GC: variants seen among roughly 807,000 people sequenced by gnomAD.
GC encodes vitamin D-binding protein.
A neutral mutation model predicts 56.7 loss-of-function variants in GC; 43 were observed. The observed-to-expected ratio is 0.76, with a 90% CI of 0.59 to 0.98. GC has a LOEUF of 0.98. Among genes scored for constraint, GC ranks in the 50% least tolerant of loss-of-function variants. GC has a pLI of 0.00. For synonymous variants in GC, 216 were observed against 202.7 expected, an observed-to-expected ratio of 1.07 and a Z score of -0.56; for missense variants, 529 against 545.9, an observed-to-expected ratio of 0.97 and a Z score of 0.31.
At chr4:71,803,537 A>C (rs1743297900) in intron 1 of GC, among the ~76,000 whole-genome samples, 1 of 152,106 alleles carries the variant, frequency 6.6e-6, no homozygotes, top group Non-Finnish European at 1.5e-5. Context: ...AAATGAATCC[A>C]ATTAAATATA....
At chr4:71,797,266 T>G (rs1250324740) in intron 1 of GC, among the ~76,000 whole-genome samples, 1 of 152,226 alleles carries the variant, frequency 6.6e-6, no homozygotes, top group Non-Finnish European at 1.5e-5. Flanking sequence ...TCTGCTGCCT[T>G]TTGTTCAGCT....
upstream of GC, among the ~76,000 whole-genome samples, chr4:71,786,972 T>C (rs1171617516): frequency 6.6e-6 from 1 of 151,882 alleles, no homozygotes; most frequent in African/African-American, 2.4e-5. Flanking sequence ...TTAAAGTTGA[T>C]GTACAGAGAA....
At chr4:71,793,091 G>C (rs1743011282) in intron 1 of GC, among the ~76,000 whole-genome samples, 5 of 152,160 alleles carry the variant, frequency 3.3e-5, no homozygotes, top group Admixed American at 2.6e-4. Flanking sequence ...AAGTCAGGTA[G>C]CATGATTCTT....
intron 12 of GC, among the ~76,000 whole-genome samples, chr4:71,743,159 G>A (rs1741243921): frequency 6.6e-6 from 1 of 152,178 alleles, no homozygotes; most frequent in African/African-American, 2.4e-5. Context: ...GCGTGAAACT[G>A]TTGACTGGAA....
At position 71,763,804 on chromosome 4, in the gene GC, C is replaced by G; in HGVS notation, c.606G>C (p.Glu202Asp). 6.2e-7 allele frequency: 1 copy of G among 1,610,028 alleles called. No individual in the cohort carries two copies. Among genetic ancestry groups the G allele is most frequent in the Admixed American group, 1.7e-5 (1 of 59,474 alleles). The stretch of plus-strand genomic sequence containing the variant: ...ATATAATAAGTAAAATGGGACATAC[C>G]TCTTTCAAAAAGCATACAGTTGGGC... The part of the protein sequence containing the change: ...SASPTVCFLK[E>D]RLQLKHLSLL... Residue 202 changes from glutamate (E) to aspartate (D), a missense_variant and splice_region_variant, in exon 5 of 13, where the codon GAG becomes GAC. Physicochemically the swap from Glu to Asp is conservative, Grantham distance 45. Coordinates refer to ENST00000273951, the MANE Select transcript of GC (RefSeq NM_000583.4).
chr4:71,770,023 A>G (rs1311614421), intron 1 of GC, among the ~76,000 whole-genome samples: 1 of 152,170 alleles, frequency 6.6e-6, no homozygotes, highest in African/African-American at 2.4e-5. Context: ...TATTTTAGAC[A>G]AAGTGTGGTG....
chr4:71,797,009 G>C (rs1578325598), intron 1 of GC, among the ~76,000 whole-genome samples: 2 of 152,220 alleles, frequency 1.3e-5, no homozygotes, highest in African/African-American at 4.8e-5. Flanking sequence ...CTGCAGAACA[G>C]CAAATATTGC....
chr4:71,751,741 G>A (rs1434164343), intron 11 of GC, among the ~76,000 whole-genome samples: 1 of 151,934 alleles, frequency 6.6e-6, no homozygotes, highest in Non-Finnish European at 1.5e-5. Flanking sequence ...CAAAATTGAG[G>A]GGAGTAGGGA....
At chr4:71,779,622 G>A (rs991693584) in intron 1 of GC, among the ~76,000 whole-genome samples, 1 of 151,900 alleles carries the variant, frequency 6.6e-6, no homozygotes, top group African/African-American at 2.4e-5. Context: ...AAATACTGGG[G>A]AAGGGCATCA....
At chr4:71,803,814 C>A (rs985963822) in intron 1 of GC, 18 of 702,202 alleles carry the variant, frequency 2.6e-5, no homozygotes, top group Non-Finnish European at 4.1e-5. Context: ...TTGCTTTGCA[C>A]AGAAATCCTC....
At chr4:71,788,697 GA>G (rs1742901609), upstream of GC, among the ~76,000 whole-genome samples, 1 of 143,604 alleles carries the variant, frequency 7.0e-6, no homozygotes, top group Admixed American at 7.0e-5. Context: ...GAGAAAAAAA[GA>G]AAAAGAAAGA....
At chr4:71,745,695 G>A (rs1451956731) in intron 12 of GC, among the ~76,000 whole-genome samples, 1 of 152,038 alleles carries the variant, frequency 6.6e-6, no homozygotes, top group Non-Finnish European at 1.5e-5. Context: ...TTTTTAATAG[G>A]TGAAAATATA....
At chr4:71,772,337 T>G (rs1742368770) in intron 1 of GC, among the ~76,000 whole-genome samples, 1 of 152,202 alleles carries the variant, frequency 6.6e-6, no homozygotes, top group South Asian at 2.1e-4. Context: ...TTATTAGTAC[T>G]TCTCTTGTGA....
intron 2 of GC, among the ~76,000 whole-genome samples, chr4:71,768,754 G>A (rs1001194760): frequency 3.9e-5 from 6 of 152,202 alleles, no homozygotes; most frequent in African/African-American, 1.2e-4. Context: ...GTGAGCCGCC[G>A]TGCCCGACCA....
chr4:71,764,829 A>G (rs1282333964), intron 4 of GC, among the ~76,000 whole-genome samples: 1 of 152,138 alleles, frequency 6.6e-6, no homozygotes, highest in Non-Finnish European at 1.5e-5. Context: ...TCTTACTTTA[A>G]TAAATGTATT....
chr4:71,797,974 C>T (rs1339648548), intron 1 of GC, among the ~76,000 whole-genome samples: 1 of 152,200 alleles, frequency 6.6e-6, no homozygotes, highest in Non-Finnish European at 1.5e-5. Flanking sequence ...TACACATATT[C>T]CCAATGTTTT....
chr4:71,754,930 T>C, intron 9 of GC, 48 bp downstream of exon 9: 1 of 1,411,344 alleles, frequency 7.1e-7, no homozygotes, highest in Non-Finnish European at 9.5e-7. Context: ...ACTATAATTT[T>C]CCAACCCTTG....
intron 11 of GC, among the ~76,000 whole-genome samples, chr4:71,747,217 G>T (rs1421278859): frequency 6.6e-6 from 1 of 152,172 alleles, no homozygotes; most frequent in Non-Finnish European, 1.5e-5. Flanking sequence ...TTTCTTATGG[G>T]ACAAGATATT....
chr4:71,785,463 C>T, upstream of GC, among the ~76,000 whole-genome samples: 1 of 151,752 alleles, frequency 6.6e-6, no homozygotes, highest in East Asian at 1.9e-4. Flanking sequence ...ATCAAAATTT[C>T]AGTAAACCAA....
Sources: gnomAD v4.1 joint callset for allele counts (sites outside exome capture counted in the v4.1 genomes callset) on GRCh38, gnomAD v4.1.1 for gene constraint, MANE v1.5 for transcripts, NCBI Gene and HGNC (gene_info 2026-07-23, HGNC 2026-07-21) for gene names.